The following CHID1 variants were observed in gnomAD, a reference collection of about 807,000 sequenced individuals.
CHID1 encodes the protein chitinase domain containing 1, also known as chitinase domain-containing protein 1.
In CHID1, 44 loss-of-function variants were observed where a neutral mutation model predicts 55.4. The ratio of observed to expected loss-of-function variants is 0.79; its 90% CI spans 0.62 to 1.02. The LOEUF is 1.02. Among genes scored for constraint, CHID1 ranks in the 50% least tolerant of loss-of-function variants. CHID1 has a pLI of 0.00. For synonymous variants in CHID1, 216 were observed against 212.9 expected (o/e 1.01, Z -0.13); for missense variants, 491 against 515.3 (o/e 0.95, Z 0.46).
intron 10 of CHID1, among the ~76,000 whole-genome samples, chr11:872,000 C>A (rs536704043): frequency 1.3e-5 from 2 of 152,186 alleles, no homozygotes. Flanking sequence ...CTGCCACCCC[C>A]CCAGCAGTGC....
rs886692095 is a variant in CHID1, at chr11:910,778, C to A, written c.-47G>T. ...GGCCGGCCGCCGCGGGGCTCACCTGCATGTCAGGGAGGCCGGACGGCCACA... is the reference window on the plus strand; with the variant it reads ...GGCCGGCCGCCGCGGGGCTCACCTGAATGTCAGGGAGGCCGGACGGCCACA... On this transcript the variant is annotated 5_prime_UTR_variant, in exon 1 of 13. The change abolishes an upstream ATG in the 5' untranslated region. Transcript: ENST00000323578. 8.8e-7 allele frequency: 1 copy of A among 1,137,018 alleles called. No individual in the cohort carries two copies. Among genetic ancestry groups the A allele is most frequent in the Admixed American group, 4.8e-5 (1 of 20,646 alleles). 70.4% of individuals were successfully genotyped at this position (1,137,018 alleles called of 1,614,324 possible). A position where few individuals can be genotyped will look rare whatever the true frequency, so the allele number is the denominator to read the frequency against.
At chr11:887,977 C>T (rs373239040) in intron 8 of CHID1, among the ~76,000 whole-genome samples, 16 of 152,224 alleles carry the variant, frequency 1.1e-4, no homozygotes, top group Non-Finnish European at 1.5e-4. Context: ...GCTCCCCATG[C>T]GTCCACCAGA....
rs1457848661 is a variant in CHID1 at position 910,774 on chromosome 11, C to A, written c.-44+1G>T. 6 of 1,143,248 alleles carry A rather than the reference C, an allele frequency of 5.2e-6. No homozygotes were observed. Among genetic ancestry groups the A allele is most frequent in the Admixed American group, 4.6e-5 (1 of 21,538 alleles). The allele number at this position is 1,143,248 out of a possible 1,614,324, so 70.8% of individuals were successfully genotyped here. ...CAGGGGCCGGCCGCCGCGGGGCTCA[C>A]CTGCATGTCAGGGAGGCCGGACGGC... On this transcript the variant is annotated splice_donor_variant, in intron 1 of 12. Coordinates refer to ENST00000323578, the MANE Select transcript of CHID1 (RefSeq NM_023947.4). LOFTEE classifies it low-confidence loss of function (5UTR_SPLICE).
chr11:879,862 T>C (rs1849776469), intron 10 of CHID1, among the ~76,000 whole-genome samples: 1 of 152,188 alleles, frequency 6.6e-6, no homozygotes, highest in Non-Finnish European at 1.5e-5. Flanking sequence ...CCAAGCTCTG[T>C]ACATGGCTCC....
chr11:869,847 G>A lies in CHID1; in HGVS notation c.*11C>T, dbSNP rs1300664784. On this transcript the variant is annotated 3_prime_UTR_variant, in exon 13 of 13. Coordinates refer to ENST00000323578, the MANE Select transcript of CHID1 (RefSeq NM_023947.4). The stretch of plus-strand genomic sequence containing the variant: ...AAAGAACACGTCCACCGCGGAGGCC[G>A]CAATGCCCACCTAGAGCAGGTCGTA... The A allele has an allele frequency of 7.5e-6, 12 of 1,610,056 alleles. No homozygotes were observed. Among genetic ancestry groups the A allele is most frequent in the African/African-American group, 5.3e-5 (4 of 74,858 alleles).
chr11:912,630 G>T (rs1852759921), upstream of CHID1, among the ~76,000 whole-genome samples: 1 of 152,076 alleles, frequency 6.6e-6, no homozygotes, highest in Non-Finnish European at 1.5e-5. Flanking sequence ...GGATCACAAG[G>T]TCAGGAGATC....
upstream of CHID1, among the ~76,000 whole-genome samples, chr11:913,646 A>T (rs376578562): frequency 3.3e-5 from 5 of 151,752 alleles, no homozygotes; most frequent in East Asian, 9.7e-4. Flanking sequence ...GGTGATATGC[A>T]CCTATAGTCC....
At chr11:910,869 C>A, upstream of CHID1, 4 of 1,070,380 alleles carry the variant, frequency 3.7e-6, no homozygotes, top group Non-Finnish European at 3.4e-6. Context: ...GCGCCGCCGC[C>A]GCGCACGGCA....
chr11:904,581 G>C (rs868727144), intron 2 of CHID1, 125 bp downstream of exon 2: 1 of 1,109,352 alleles, frequency 9.0e-7, no homozygotes, highest in Admixed American at 2.3e-5. Context: ...GGCTCATCAG[G>C]TGCCTTTGTG....
chr11:902,415 C>T (rs988566202), intron 3 of CHID1, 85 bp from the exon 4 acceptor site: 7 of 1,515,536 alleles, frequency 4.6e-6, no homozygotes, highest in Admixed American at 3.5e-5. Context: ...CGCCTCTGGA[C>T]GTGCCCAGGG....
At chr11:892,289 C>T (rs1253797902) in intron 8 of CHID1, among the ~76,000 whole-genome samples, 1 of 152,216 alleles carries the variant, frequency 6.6e-6, no homozygotes, top group Non-Finnish European at 1.5e-5. Context: ...GCACCACCCA[C>T]AGGTCAGCCC....
upstream of CHID1, chr11:910,857 G>T (rs578104477): frequency 5.5e-6 from 6 of 1,083,020 alleles, no homozygotes; most frequent in Non-Finnish European, 6.8e-6. Flanking sequence ...CCAGGCGCCC[G>T]CGCGCCGCCG....
At chr11:914,757 G>A (rs990225273), upstream of CHID1, 1 of 342,768 alleles carries the variant, frequency 2.9e-6, no homozygotes, top group African/African-American at 2.2e-5. Context: ...CTGGTTGTTG[G>A]AGGTGCCTGG....
chr11:890,957 A>G (rs1160405563), intron 8 of CHID1, among the ~76,000 whole-genome samples: 1 of 152,134 alleles, frequency 6.6e-6, no homozygotes, highest in Non-Finnish European at 1.5e-5. Flanking sequence ...GTGCCCCTGG[A>G]GAGAGCGAGC....
chr11:911,763 C>G (rs1278130625), upstream of CHID1, among the ~76,000 whole-genome samples: 1 of 152,234 alleles, frequency 6.6e-6, no homozygotes, highest in Non-Finnish European at 1.5e-5. Context: ...GTGCGAGGCA[C>G]GTCCCCCACC....
At chr11:909,695 T>C (rs1340275745) in intron 1 of CHID1, among the ~76,000 whole-genome samples, 1 of 152,258 alleles carries the variant, frequency 6.6e-6, no homozygotes, top group Non-Finnish European at 1.5e-5. Flanking sequence ...TGACAACTCC[T>C]GTTCTGTTGT....
At chr11:871,754 A>T (rs1281410730) in intron 10 of CHID1, among the ~76,000 whole-genome samples, 1 of 152,242 alleles carries the variant, frequency 6.6e-6, no homozygotes, top group African/African-American at 2.4e-5. Flanking sequence ...TGTGGCATGG[A>T]CATCCGCAGG....
chr11:892,600 T>C (rs1305321315), intron 8 of CHID1, among the ~76,000 whole-genome samples: 1 of 152,194 alleles, frequency 6.6e-6, no homozygotes, highest in African/African-American at 2.4e-5. Flanking sequence ...GTCTAAGCAC[T>C]GCCTGCCCCA....
intron 1 of CHID1, among the ~76,000 whole-genome samples, chr11:905,439 G>A (rs1852139757): frequency 6.6e-6 from 1 of 152,216 alleles, no homozygotes; most frequent in African/African-American, 2.4e-5. Flanking sequence ...GGAGGCTGAG[G>A]CGGGCGGATC....
Sources: allele counts gnomAD v4.1 joint callset (sites outside exome capture counted in the v4.1 genomes callset), GRCh38; gene constraint gnomAD v4.1.1; transcripts MANE v1.5; gene names NCBI Gene and HGNC (gene_info 2026-07-23, HGNC 2026-07-21).